The following SNX7 variants were observed in gnomAD, a reference collection of about 807,000 sequenced individuals.
The protein encoded by SNX7 is sorting nexin-7.
Under a neutral mutation model 48.4 loss-of-function variants are expected in SNX7, and 35 were observed. The observed-to-expected ratio is 0.72, with a 90% CI of 0.55 to 0.96. SNX7 has a LOEUF of 0.96. Among genes scored for constraint, SNX7 ranks in the 40% least tolerant of loss-of-function variants. The pLI, the probability that SNX7 is intolerant of heterozygous loss-of-function variation, is 0.00. For missense variants in SNX7, 553 were observed against 548.9 expected, an observed-to-expected ratio of 1.01 and a Z score of -0.07; for synonymous variants, 190 against 190.2, an observed-to-expected ratio of 1.00 and a Z score of 0.01.
At chr1:98,677,990 CGTGTGTGTGT>C (rs56259822) in intron 1 of SNX7, among the ~76,000 whole-genome samples, 58 of 141,872 alleles carry the variant, frequency 4.1e-4, no homozygotes, top group African/African-American at 5.3e-4. Flanking sequence ...TGTGTGTGTG[CGTGTGTGTGT>C]GTGTGTGTGT....
intron 7 of SNX7, among the ~76,000 whole-genome samples, chr1:98,723,569 C>T (rs1005991098): frequency 9.2e-5 from 14 of 151,874 alleles, no homozygotes; most frequent in African/African-American, 3.4e-4. Context: ...GGGTTTTCTA[C>T]ATAGAAAATT....
chr1:98,664,886 A>G (rs1649457032), intron 1 of SNX7, among the ~76,000 whole-genome samples: 1 of 152,190 alleles, frequency 6.6e-6, no homozygotes, highest in Non-Finnish European at 1.5e-5. Context: ...AAAAAAATAA[A>G]AAAGATACAC....
intron 8 of SNX7, among the ~76,000 whole-genome samples, chr1:98,758,172 C>T (rs137866784): frequency 0.013 from 2,036 of 151,978 alleles, 26 homozygotes; most frequent in Non-Finnish European, 0.019. Flanking sequence ...CCTCCATGCC[C>T]CCCAAATCAT....
chr1:98,698,652 A>G, intron 5 of SNX7, 54 bp from the exon 6 acceptor site: 3 of 1,500,114 alleles, frequency 2.0e-6, no homozygotes, highest in South Asian at 1.2e-5. Context: ...GGATACAGGT[A>G]TTTTGAAAAC....
At chr1:98,759,557 A>G (rs1490418932) in intron 8 of SNX7, among the ~76,000 whole-genome samples, 1 of 152,118 alleles carries the variant, frequency 6.6e-6, no homozygotes, top group South Asian at 2.1e-4. Flanking sequence ...GGCATTCTGC[A>G]TAGAGACTTA....
intron 7 of SNX7, among the ~76,000 whole-genome samples, chr1:98,725,849 T>C (rs1455613183): frequency 6.6e-6 from 1 of 152,160 alleles, no homozygotes; most frequent in African/African-American, 2.4e-5. Context: ...ACTATCTGAT[T>C]TGGAGAAGGG....
At chr1:98,730,230 C>G (rs1653435851) in intron 7 of SNX7, among the ~76,000 whole-genome samples, 1 of 139,612 alleles carries the variant, frequency 7.2e-6, no homozygotes, top group African/African-American at 2.6e-5. Flanking sequence ...TAAAAACTCT[C>G]AATAAACTAG....
chr1:98,734,462 T>C (rs1653675461), intron 7 of SNX7, among the ~76,000 whole-genome samples: 1 of 152,154 alleles, frequency 6.6e-6, no homozygotes, highest in East Asian at 1.9e-4. Context: ...AGACATCGGT[T>C]TGAATCCCTA....
At chr1:98,674,756 A>G (rs536282287) in intron 1 of SNX7, among the ~76,000 whole-genome samples, 6 of 152,294 alleles carry the variant, frequency 3.9e-5, no homozygotes, top group Non-Finnish European at 8.8e-5. Context: ...TAATCCATTT[A>G]TTTCAGTTAA....
At chr1:98,737,110 C>A (rs975486850) in intron 7 of SNX7, among the ~76,000 whole-genome samples, 11 of 151,708 alleles carry the variant, frequency 7.3e-5, no homozygotes, top group African/African-American at 2.4e-4. Flanking sequence ...TGCAACCATG[C>A]TGGTCTTTCC....
chr1:98,667,731 A>G (rs1570480406), intron 1 of SNX7, among the ~76,000 whole-genome samples: 1 of 152,078 alleles, frequency 6.6e-6, no homozygotes, highest in African/African-American at 2.4e-5. Context: ...TCCTGGCTGC[A>G]CTGCTTACTA....
chr1:98,705,573 A>G (rs1026419167), intron 7 of SNX7, among the ~76,000 whole-genome samples: 4 of 152,166 alleles, frequency 2.6e-5, no homozygotes. Flanking sequence ...GATTGGTCCT[A>G]TAAAATGACT....
rs1491348958 is a variant in SNX7, at chr1:98,663,252, G to GTTTTTTTTTTTTTTTTTTTTTTTTTTTTT, written c.180+1341_180+1342insTTTTTTTTTTTTTTTTTTTTTTTTTTTTT. 1.3e-4 allele frequency among the ~76,000 whole-genome samples: 11 copies of GTTTTTTTTTTTTTTTTTTTTTTTTTTTTT among 83,184 alleles called. 5 individuals are homozygous for GTTTTTTTTTTTTTTTTTTTTTTTTTTTTT. Among genetic ancestry groups the GTTTTTTTTTTTTTTTTTTTTTTTTTTTTT allele is most frequent in the African/African-American group, 3.8e-4 (7 of 18,276 alleles). The allele number at this position is 83,184 out of a possible 152,430, so 54.6% of individuals were successfully genotyped here. A position where few individuals can be genotyped will look rare whatever the true frequency, so the allele number is the denominator to read the frequency against. On this transcript the variant is annotated intron_variant, in intron 1 of 8. Coordinates refer to ENST00000306121, the MANE Select transcript of SNX7 (RefSeq NM_015976.5). ...ATCAGAATCATCAGGGTTTCTTTCT[G>GTTTTTTTTTTTTTTTTTTTTTTTTTTTTT]GTTTTTTTTTTTTTTTTTTTTTTTT...
In SNX7 at chr1:98,693,199, TGGAC is replaced by T. The variant is rs1030658632; in HGVS notation, c.639+1505_639+1508del. Among the ~76,000 whole-genome samples, 10 of 126,766 alleles carry T rather than the reference TGGAC, an allele frequency of 7.9e-5. No homozygotes were observed. The East Asian group carries it at 1.2e-3, about 15-fold the overall frequency. The allele number at this position is 126,766 out of a possible 152,430, so 83.2% of individuals were successfully genotyped here. A position where few individuals can be genotyped will look rare whatever the true frequency, so the allele number is the denominator to read the frequency against. ...ATGGATGGATGGATGGATGGATGGA[TGGAC>T]GGACAGATAGATAATATAATCTCCT... On this transcript the variant is annotated intron_variant, in intron 4 of 8. Coordinates refer to ENST00000306121, the MANE Select transcript of SNX7 (RefSeq NM_015976.5).
chr1:98,751,227 C>T (rs11166104), intron 8 of SNX7, among the ~76,000 whole-genome samples: 28,837 of 151,928 alleles, frequency 0.19, 2,842 homozygotes, highest in East Asian at 0.31. Context: ...CTTTAGAAAA[C>T]TTGATCACAT....
At chr1:98,676,523 G>A (rs1353334602) in intron 1 of SNX7, among the ~76,000 whole-genome samples, 7 of 152,070 alleles carry the variant, frequency 4.6e-5, no homozygotes, top group African/African-American at 1.4e-4. Context: ...AGCATATCCT[G>A]TGATAATCTC....
At chr1:98,689,319 A>T (rs979071011) in intron 2 of SNX7, among the ~76,000 whole-genome samples, 2 of 152,174 alleles carry the variant, frequency 1.3e-5, no homozygotes, top group African/African-American at 4.8e-5. Flanking sequence ...ATATTCCTAC[A>T]TATGTGTCTC....
chr1:98,727,326 C>T (rs1653232205), intron 7 of SNX7, among the ~76,000 whole-genome samples: 1 of 152,162 alleles, frequency 6.6e-6, no homozygotes, highest in Non-Finnish European at 1.5e-5. Flanking sequence ...GCAGCAACAA[C>T]AGCATCAATA....
At chr1:98,752,139 G>A (rs759890311) in intron 8 of SNX7, among the ~76,000 whole-genome samples, 4 of 151,942 alleles carry the variant, frequency 2.6e-5, no homozygotes, top group Non-Finnish European at 4.4e-5. Flanking sequence ...GATTTTTTTG[G>A]TTGTATTAAT....
Sources: allele counts gnomAD v4.1 joint callset (sites outside exome capture counted in the v4.1 genomes callset), GRCh38; gene constraint gnomAD v4.1.1; transcripts MANE v1.5; gene names NCBI Gene and HGNC (gene_info 2026-07-23, HGNC 2026-07-21).